LUZP2: variants seen among roughly 807,000 people sequenced by gnomAD.
LUZP2 encodes the protein leucine zipper protein 2.
In LUZP2, 52 loss-of-function variants were observed where a neutral mutation model predicts 51.6. The ratio of observed to expected loss-of-function variants is 1.01; its 90% CI spans 0.81 to 1.27. The LOEUF (loss-of-function observed/expected upper bound fraction) is 1.27, where lower values mean the gene tolerates loss of function less well. LUZP2 is among the 50% of genes most tolerant of loss of function. The pLI is 0.00. For synonymous variants in LUZP2, 154 were observed against 137.3 expected (o/e 1.12, Z -0.85); for missense variants, 436 against 395.4 (o/e 1.10, Z -0.87).
chr11:25,037,007 T>A (rs1857886372), intron 9 of LUZP2, among the ~76,000 whole-genome samples: 1 of 152,154 alleles, frequency 6.6e-6, no homozygotes, highest in Non-Finnish European at 1.5e-5. Flanking sequence ...TAGAATCTCT[T>A]TTTTAGCTTT....
At chr11:24,890,894 C>A (rs371409276) in intron 5 of LUZP2, 9 of 740,156 alleles carry the variant, frequency 1.2e-5, no homozygotes, top group African/African-American at 2.6e-5. Context: ...AGTAAAAGTT[C>A]TTTTTTTTTT....
Position 24,945,817 on chromosome 11 carries a change from ATATACT to A in LUZP2, c.523-30769_523-30764del, listed in dbSNP as rs749528702. Among the ~76,000 whole-genome samples, 1,040 of 152,122 alleles carry A rather than the reference ATATACT, an allele frequency of 6.8e-3. 5 individuals carry two copies. The highest frequency in any genetic ancestry group is 0.019 in the African/African-American group (774 of 41,544). Reference sequence around the variant, plus strand: ...CGATTTTTAAAAAACTTTTATTGAGATATACTTATATAATATAAAATCAATCCATTT... The same window carrying A: ...CGATTTTTAAAAAACTTTTATTGAGATATATAATATAAAATCAATCCATTT... On this transcript the variant is annotated intron_variant, in intron 7 of 11. Coordinates refer to ENST00000336930, the MANE Select transcript of LUZP2 (RefSeq NM_001009909.4).
chr11:24,596,857 G>A (rs1192489118), intron 1 of LUZP2, among the ~76,000 whole-genome samples: 1 of 152,126 alleles, frequency 6.6e-6, no homozygotes, highest in Non-Finnish European at 1.5e-5. Context: ...ACGATATGCT[G>A]CAAAAATTTA....
At chr11:24,499,388 G>A (rs72869866) in intron 1 of LUZP2, among the ~76,000 whole-genome samples, 8,941 of 152,244 alleles carry the variant, frequency 0.059, 348 homozygotes, top group Middle Eastern at 0.11. Context: ...TCTAACAGAA[G>A]GCCATTCTGT....
intron 7 of LUZP2, among the ~76,000 whole-genome samples, chr11:24,926,661 A>ATG (rs1854283149): frequency 8.0e-6 from 1 of 125,416 alleles, no homozygotes; most frequent in Admixed American, 8.5e-5. Context: ...GTGTGTGTAT[A>ATG]TATATATGTG....
chr11:25,050,178 A>C, intron 10 of LUZP2, 48 bp downstream of exon 10: 4 of 1,136,558 alleles, frequency 3.5e-6, no homozygotes, highest in Non-Finnish European at 5.0e-6. Context: ...AGGAGAAAAA[A>C]GCACAAGCAT....
intron 1 of LUZP2, among the ~76,000 whole-genome samples, chr11:24,569,839 A>G (rs943400503): frequency 6.6e-6 from 1 of 151,694 alleles, no homozygotes; most frequent in Non-Finnish European, 1.5e-5. Flanking sequence ...ATCTGTATAA[A>G]TAATCACTTT....
At chr11:24,980,299 A>C (rs1855990631) in intron 8 of LUZP2, among the ~76,000 whole-genome samples, 1 of 151,768 alleles carries the variant, frequency 6.6e-6, no homozygotes, top group Non-Finnish European at 1.5e-5. Flanking sequence ...TTTCTGAGAA[A>C]AGTACTAACA....
At chr11:24,504,949 C>G (rs562557708) in intron 1 of LUZP2, among the ~76,000 whole-genome samples, 2 of 151,998 alleles carry the variant, frequency 1.3e-5, no homozygotes, top group Non-Finnish European at 2.9e-5. Context: ...TAATTCTCAC[C>G]GATAATTTAA....
At chr11:24,955,972 C>A (rs1158265021) in intron 7 of LUZP2, among the ~76,000 whole-genome samples, 1 of 151,334 alleles carries the variant, frequency 6.6e-6, no homozygotes, top group Non-Finnish European at 1.5e-5. Flanking sequence ...GGAGAGACAG[C>A]GAGAGAGAGA....
chr11:24,601,970 GTGTATATGTA>G (rs1853672089), intron 1 of LUZP2, among the ~76,000 whole-genome samples: 6 of 119,796 alleles, frequency 5.0e-5, no homozygotes, highest in African/African-American at 1.9e-4. Context: ...ATGTATATAT[GTGTATATGTA>G]TATATATGTG....
At chr11:25,063,753 C>T (rs2134044196) in intron 10 of LUZP2, among the ~76,000 whole-genome samples, 1 of 151,764 alleles carries the variant, frequency 6.6e-6, no homozygotes, top group East Asian at 1.9e-4. Context: ...AGAGAGTGGT[C>T]CACAATGATA....
intron 1 of LUZP2, among the ~76,000 whole-genome samples, chr11:24,544,911 A>G (rs1052462719): frequency 5.3e-5 from 8 of 152,116 alleles, no homozygotes; most frequent in Non-Finnish European, 5.9e-5. Context: ...CTAACAGTGT[A>G]TACGCATCCC....
intron 10 of LUZP2, among the ~76,000 whole-genome samples, chr11:25,052,104 C>T (rs1042475869): frequency 2.0e-5 from 3 of 152,268 alleles, no homozygotes; most frequent in African/African-American, 7.2e-5. Context: ...GACTTCTGTC[C>T]TCTAGACTTT....
chr11:24,638,884 A>T (rs1004834242), intron 1 of LUZP2, among the ~76,000 whole-genome samples: 1 of 151,674 alleles, frequency 6.6e-6, no homozygotes, highest in Non-Finnish European at 1.5e-5. Flanking sequence ...AAGACAATTA[A>T]TTCTAATACA....
intron 1 of LUZP2, among the ~76,000 whole-genome samples, chr11:24,548,909 A>G (rs992595165): frequency 2.6e-5 from 4 of 151,926 alleles, no homozygotes; most frequent in East Asian, 1.9e-4. Context: ...TATATGTTTC[A>G]TGGTAAATAC....
intron 1 of LUZP2, among the ~76,000 whole-genome samples, chr11:24,678,370 C>T (rs1856633975): frequency 6.6e-6 from 1 of 152,160 alleles, no homozygotes; most frequent in Admixed American, 6.5e-5. Context: ...TTCTGCTATG[C>T]AAGGATGGGC....
At chr11:24,781,893 A>T (rs1373037160) in intron 5 of LUZP2, among the ~76,000 whole-genome samples, 1 of 151,990 alleles carries the variant, frequency 6.6e-6, no homozygotes, top group Non-Finnish European at 1.5e-5. Context: ...CTTACAAAAA[A>T]TGAATATTCT....
rs1852533956 is a variant in LUZP2, at chr11:24,574,181, CTTTT to C, written c.62+76877_62+76880del. On this transcript the variant is annotated intron_variant, in intron 1 of 11. Transcript: ENST00000336930. ...TTCTTTCAATTTTCTTTCTTTCTTTCTTTTCTTTCTTTCTTTCTCTTTCTTCCTT... is the reference window on the plus strand; with the variant it reads ...TTCTTTCAATTTTCTTTCTTTCTTTCCTTTCTTTCTTTCTCTTTCTTCCTT... Among the ~76,000 whole-genome samples, 2 of 78,396 alleles carry C rather than the reference CTTTT, an allele frequency of 2.6e-5. 1 individual carries two copies. The highest frequency in any genetic ancestry group is 8.4e-4 in the South Asian group (2 of 2,372). 51.4% of individuals were successfully genotyped at this position (78,396 alleles called of 152,430 possible). A position where few individuals can be genotyped will look rare whatever the true frequency, so the allele number is the denominator to read the frequency against.
Sources: allele counts gnomAD v4.1 joint callset (sites outside exome capture counted in the v4.1 genomes callset), GRCh38; gene constraint gnomAD v4.1.1; transcripts MANE v1.5; gene names NCBI Gene and HGNC (gene_info 2026-07-23, HGNC 2026-07-21).